PSD3: variants seen among roughly 807,000 people sequenced by gnomAD.
PSD3 encodes pleckstrin and Sec7 domain containing 3.
Under a neutral mutation model 105.5 loss-of-function variants are expected in PSD3, and 49 were observed. The observed-to-expected ratio is 0.46, with a 90% CI of 0.37 to 0.59. PSD3 has a LOEUF of 0.59. Ranked by LOEUF, PSD3 falls within the 20% of genes least tolerant of loss-of-function variation. The pLI is 0.00. For synonymous variants in PSD3, 557 were observed against 457.8 expected (o/e 1.22, Z -2.77); for missense variants, 1,561 against 1,263.8 (o/e 1.24, Z -3.57).
At chr8:18,561,506 A>G (rs1345364448) in intron 14 of PSD3, among the ~76,000 whole-genome samples, 4 of 152,126 alleles carry the variant, frequency 2.6e-5, no homozygotes, top group African/African-American at 9.7e-5. Context: ...AGGATGAAAA[A>G]TATCAGACAA....
chr8:18,571,865 T>C (rs1023443889), intron 14 of PSD3, among the ~76,000 whole-genome samples: 9 of 150,100 alleles, frequency 6.0e-5, no homozygotes, highest in Non-Finnish European at 1.0e-4. Context: ...AAGGGGGTAC[T>C]ACAGACAGGT....
intron 14 of PSD3, among the ~76,000 whole-genome samples, chr8:18,560,358 G>A (rs1285212434): frequency 2.0e-5 from 3 of 152,076 alleles, no homozygotes; most frequent in African/African-American, 7.2e-5. Flanking sequence ...GTAGGAATTT[G>A]CTTTTTTATT....
chr8:18,581,755 C>T (rs890122907), intron 12 of PSD3, among the ~76,000 whole-genome samples: 3 of 152,192 alleles, frequency 2.0e-5, no homozygotes, highest in Admixed American at 6.5e-5. Flanking sequence ...TCCACACTGT[C>T]AGGACAAGTG....
At chr8:19,063,148 G>T (rs569957018) in intron 1 of PSD3, among the ~76,000 whole-genome samples, 1 of 152,138 alleles carries the variant, frequency 6.6e-6, no homozygotes, top group East Asian at 1.9e-4. Context: ...TCTGTAAGAC[G>T]CACCTGTTCT....
At chr8:18,774,865 T>C (rs1270847292) in intron 8 of PSD3, 3 of 456,132 alleles carry the variant, frequency 6.6e-6, no homozygotes, top group Non-Finnish European at 1.3e-5. Flanking sequence ...CCAGCTGTCT[T>C]AGCAGCTCCT....
chr8:18,793,313 A>G (rs1809902583), intron 8 of PSD3, among the ~76,000 whole-genome samples: 1 of 151,794 alleles, frequency 6.6e-6, no homozygotes, highest in Admixed American at 6.6e-5. Flanking sequence ...CTAGAACTTA[A>G]AGTATAATAA....
chr8:18,599,530 C>T (rs1804279682), intron 12 of PSD3, among the ~76,000 whole-genome samples: 1 of 152,152 alleles, frequency 6.6e-6, no homozygotes, highest in African/African-American at 2.4e-5. Context: ...CTACAGTAGG[C>T]TCCCCTTATC....
At chr8:18,914,144 T>C (rs1820422905) in intron 2 of PSD3, among the ~76,000 whole-genome samples, 1 of 149,192 alleles carries the variant, frequency 6.7e-6, no homozygotes, top group African/African-American at 2.5e-5. Context: ...TATAAGATCA[T>C]CTCCATAGAC....
intron 9 of PSD3, among the ~76,000 whole-genome samples, chr8:18,667,616 T>C (rs1799546879): frequency 6.6e-6 from 1 of 152,198 alleles, no homozygotes; most frequent in African/African-American, 2.4e-5. Flanking sequence ...CCAGCTGGCT[T>C]CACCCAGTGG....
chr8:18,834,631 G>A (rs1813950170), intron 4 of PSD3, among the ~76,000 whole-genome samples: 1 of 152,166 alleles, frequency 6.6e-6, no homozygotes, highest in African/African-American at 2.4e-5. Context: ...AACTATGACT[G>A]GGTACGTGAA....
intron 9 of PSD3, among the ~76,000 whole-genome samples, chr8:18,701,429 C>T (rs1428281535): frequency 6.6e-6 from 1 of 152,182 alleles, no homozygotes; most frequent in African/African-American, 2.4e-5. Flanking sequence ...CCTATTTCAA[C>T]AAGCCCCTTT....
intron 9 of PSD3, among the ~76,000 whole-genome samples, chr8:18,690,490 A>T (rs570500265): frequency 3.1e-4 from 47 of 151,988 alleles, no homozygotes; most frequent in African/African-American, 1.1e-3. Context: ...TAGTCTAGGG[A>T]TCTATTTTGA....
At chr8:19,025,746 G>T (rs1281158866) in intron 1 of PSD3, among the ~76,000 whole-genome samples, 1 of 152,216 alleles carries the variant, frequency 6.6e-6, no homozygotes, top group East Asian at 1.9e-4. Context: ...GGTAGATCAT[G>T]TCATAATTTC....
intron 11 of PSD3, among the ~76,000 whole-genome samples, chr8:18,614,788 C>G (rs559745718): frequency 7.2e-6 from 1 of 139,506 alleles, no homozygotes; most frequent in East Asian, 2.0e-4. Context: ...ACCATCATGC[C>G]TGGCTAATTT....
At chr8:19,079,955 T>C (rs555921265) in intron 1 of PSD3, among the ~76,000 whole-genome samples, 11 of 147,298 alleles carry the variant, frequency 7.5e-5, no homozygotes, top group Non-Finnish European at 1.5e-4. Flanking sequence ...AGTGGTGCAA[T>C]CTTGGCTCAT....
intron 1 of PSD3, among the ~76,000 whole-genome samples, chr8:18,947,171 C>T (rs13277804): frequency 0.13 from 20,247 of 151,990 alleles, 1,469 homozygotes; most frequent in East Asian, 0.23. Context: ...GAGTAGAGAG[C>T]TTCACGGACA....
In PSD3 at chr8:18,642,026, C is replaced by T. The variant is rs185008174; in HGVS notation, c.2217-9220G>A. On this transcript the variant is annotated intron_variant, in intron 10 of 15. Transcript: ENST00000327040. ...TCCTAAAAGTAAAAAAGAGACTATG[C>T]TTTATTAAAAATGTTAGGCTTCATC... is the stretch of plus-strand genomic sequence containing the variant. Among the ~76,000 whole-genome samples the T allele has an allele frequency of 4.6e-5, 7 of 152,218 alleles. No individual in the cohort carries two copies. The East Asian group carries it at 1.3e-3, about 29-fold the overall frequency.
intron 2 of PSD3, among the ~76,000 whole-genome samples, chr8:18,886,638 T>C (rs1404968059): frequency 6.6e-6 from 1 of 152,192 alleles, no homozygotes; most frequent in Non-Finnish European, 1.5e-5. Flanking sequence ...CAGTTACCCA[T>C]TGATCATAGA....
At chr8:18,873,442 A>G (rs968982712) in intron 2 of PSD3, among the ~76,000 whole-genome samples, 1 of 150,118 alleles carries the variant, frequency 6.7e-6, no homozygotes, top group African/African-American at 2.5e-5. Context: ...ATATCTAGAT[A>G]TATGTTTACA....
Sources: allele counts gnomAD v4.1 joint callset (sites outside exome capture counted in the v4.1 genomes callset), GRCh38; gene constraint gnomAD v4.1.1; transcripts MANE v1.5; gene names NCBI Gene and HGNC (gene_info 2026-07-23, HGNC 2026-07-21).